SNX29: variants seen among roughly 807,000 people sequenced by gnomAD.
SNX29 encodes the protein sorting nexin 29, also known as sorting nexin-29.
Under a neutral mutation model 102.1 loss-of-function variants are expected in SNX29, and 78 were observed. That is an observed-to-expected ratio of 0.76 (90% confidence interval 0.64 to 0.92). SNX29 has a LOEUF of 0.92. SNX29 is among the 40% of genes least tolerant of loss of function. The pLI, the probability that SNX29 is intolerant of heterozygous loss-of-function variation, is 0.00. For synonymous variants in SNX29, 580 were observed against 414.5 expected (o/e 1.40, Z -4.85); for missense variants, 1,280 against 1,061.7 (o/e 1.21, Z -2.86).
intron 3 of SNX29, among the ~76,000 whole-genome samples, chr16:12,011,195 T>C (rs1483682918): frequency 6.6e-6 from 1 of 151,658 alleles, no homozygotes; most frequent in Admixed American, 6.6e-5. Flanking sequence ...TGGGGTTTTT[T>C]TTTTTTTTTT....
chr16:12,371,690 G>A (rs1567492022), intron 16 of SNX29, among the ~76,000 whole-genome samples: 1 of 152,210 alleles, frequency 6.6e-6, no homozygotes, highest in East Asian at 1.9e-4. Flanking sequence ...TGAGTGTGTG[G>A]GCCTCCTGTG....
chr16:12,035,399 A>G (rs2057447649), intron 4 of SNX29, among the ~76,000 whole-genome samples: 1 of 151,962 alleles, frequency 6.6e-6, no homozygotes, highest in Non-Finnish European at 1.5e-5. Flanking sequence ...ACTCTTTAAT[A>G]AAGGAGGTGG....
chr16:12,391,258 A>G (rs1004552652), intron 16 of SNX29, among the ~76,000 whole-genome samples: 15 of 152,198 alleles, frequency 9.9e-5, no homozygotes, highest in African/African-American at 2.7e-4. Flanking sequence ...ACAAATTATC[A>G]TTGTTAAAGA....
In SNX29 at chr16:12,573,754, T is replaced by TA; in HGVS notation, c.*5128dup. The stretch of plus-strand genomic sequence containing the variant: ...ATCGTACATTTGCACCCAGAGCTAC[T>TA]AAACGCTCAGTGACCCCAGAGACCA... On this transcript the variant is annotated 3_prime_UTR_variant, in exon 21 of 21. Transcript: ENST00000566228. The TA allele has an allele frequency of 4.5e-6, 1 of 223,272 alleles. No individual in the cohort carries two copies. Among genetic ancestry groups the TA allele is most frequent in the Non-Finnish European group, 8.9e-6 (1 of 111,770 alleles). The allele number at this position is 223,272 out of a possible 1,614,324, so 13.8% of individuals were successfully genotyped here.
chr16:12,199,453 A>G lies in SNX29; in HGVS notation c.1596-148A>G, dbSNP rs551129604. 9 of 613,924 alleles carry G rather than the reference A, an allele frequency of 1.5e-5. No individual in the cohort carries two copies. In the South Asian group the frequency reaches 1.6e-4, roughly 11 times the overall value. The allele number at this position is 613,924 out of a possible 1,614,324, so 38.0% of individuals were successfully genotyped here. ...GGTAACACAACCATCTCCCGTGATG[A>G]TATCTAAACCATGAGAATATATTAA... is the stretch of plus-strand genomic sequence containing the variant. On this transcript the variant is annotated intron_variant, in intron 13 of 20. Coordinates refer to ENST00000566228, the MANE Select transcript of SNX29 (RefSeq NM_032167.5).
At chr16:12,315,442 G>A (rs1164519653) in intron 15 of SNX29, among the ~76,000 whole-genome samples, 1 of 152,156 alleles carries the variant, frequency 6.6e-6, no homozygotes, top group South Asian at 2.1e-4. Flanking sequence ...ATGCTCATTT[G>A]TTATGTGGAT....
chr16:12,235,752 A>G (rs75411264), intron 14 of SNX29, among the ~76,000 whole-genome samples: 6,126 of 152,136 alleles, frequency 0.04, 432 homozygotes, highest in African/African-American at 0.14. Context: ...AAACTTAAAC[A>G]CAATAAAGGT....
chr16:12,245,286 T>C (rs2078227777), intron 14 of SNX29, among the ~76,000 whole-genome samples: 1 of 152,152 alleles, frequency 6.6e-6, no homozygotes, highest in Middle Eastern at 3.2e-3. Flanking sequence ...ATCTGTTAAA[T>C]GGGGTAATGA....
At chr16:12,475,703 TATC>T (rs1176715776) in intron 18 of SNX29, among the ~76,000 whole-genome samples, 1 of 152,240 alleles carries the variant, frequency 6.6e-6, no homozygotes, top group East Asian at 1.9e-4. Context: ...TCATGTAAAG[TATC>T]ATACTGCACA....
chr16:12,383,204 G>A (rs2151437606), intron 16 of SNX29, among the ~76,000 whole-genome samples: 1 of 152,262 alleles, frequency 6.6e-6, no homozygotes, highest in South Asian at 2.1e-4. Context: ...TGAGCTTGGA[G>A]CTTATCCTTC....
In SNX29 at chr16:12,572,842, G is replaced by T; in HGVS notation, c.*4213G>T. 2 of 1,063,864 alleles carry T rather than the reference G, an allele frequency of 1.9e-6. No homozygotes were observed. Among genetic ancestry groups the T allele is most frequent in the Non-Finnish European group, 2.3e-6 (2 of 878,336 alleles). The allele number at this position is 1,063,864 out of a possible 1,614,324, so 65.9% of individuals were successfully genotyped here. A position where few individuals can be genotyped will look rare whatever the true frequency, so the allele number is the denominator to read the frequency against. ...GGCATCCCAGAAGGGGCAGCCTCATGCCCAGGTTTCAGCCCTAAAGGTAAT... is the reference window on the plus strand; with the variant it reads ...GGCATCCCAGAAGGGGCAGCCTCATTCCCAGGTTTCAGCCCTAAAGGTAAT... On this transcript the variant is annotated 3_prime_UTR_variant, in exon 21 of 21. Transcript: ENST00000566228.
At chr16:12,288,322 A>G (rs976786012) in intron 15 of SNX29, among the ~76,000 whole-genome samples, 3 of 152,214 alleles carry the variant, frequency 2.0e-5, no homozygotes, top group Non-Finnish European at 2.9e-5. Context: ...CAATGACCCA[A>G]TGACTCAAAA....
intron 13 of SNX29, among the ~76,000 whole-genome samples, chr16:12,185,893 G>A (rs1178326375): frequency 6.6e-6 from 1 of 152,180 alleles, no homozygotes; most frequent in African/African-American, 2.4e-5. Flanking sequence ...AGATAATAGC[G>A]ATTGTACCTC....
In SNX29 at chr16:12,477,716, C is replaced by T. The variant is rs757748972; in HGVS notation, c.2038-3C>T. ...GGAATTCACATTTTCTCTTTCTTGACAGGTCTACATCCGGATAAAAGACGA... is the reference window on the plus strand; with the variant it reads ...GGAATTCACATTTTCTCTTTCTTGATAGGTCTACATCCGGATAAAAGACGA... On this transcript the variant is annotated splice_region_variant and splice_polypyrimidine_tract_variant and intron_variant, in intron 18 of 20. Coordinates refer to ENST00000566228, the MANE Select transcript of SNX29 (RefSeq NM_032167.5). 2 of 1,607,696 alleles carry T rather than the reference C, an allele frequency of 1.2e-6. No homozygotes were observed. Among genetic ancestry groups the T allele is most frequent in the East Asian group, 4.5e-5 (2 of 44,760 alleles).
At chr16:12,262,548 C>G (rs765308483) in intron 14 of SNX29, among the ~76,000 whole-genome samples, 1 of 152,166 alleles carries the variant, frequency 6.6e-6, no homozygotes, top group Non-Finnish European at 1.5e-5. Flanking sequence ...TGACAAAGAA[C>G]GGGGCTGGTC....
intron 20 of SNX29, among the ~76,000 whole-genome samples, chr16:12,539,036 G>A (rs1039222251): frequency 2.0e-5 from 3 of 152,160 alleles, no homozygotes; most frequent in African/African-American, 4.8e-5. Flanking sequence ...CCAGAATGGG[G>A]CCCAGAAAGA....
chr16:12,067,274 T>A (rs978859101), intron 9 of SNX29, among the ~76,000 whole-genome samples: 2 of 151,976 alleles, frequency 1.3e-5, no homozygotes, highest in African/African-American at 4.8e-5. Flanking sequence ...GAAGAAAAGG[T>A]TAAAACAATT....
In SNX29 at chr16:12,570,219, A is replaced by C; in HGVS notation, c.*1590A>C. 9.4e-7 allele frequency: 1 copy of C among 1,065,212 alleles called. No homozygotes were observed. Among genetic ancestry groups the C allele is most frequent in the Non-Finnish European group, 1.1e-6 (1 of 879,188 alleles). The allele number at this position is 1,065,212 out of a possible 1,614,324, so 66.0% of individuals were successfully genotyped here. ...GACTTCCAAGGGGACCTGGGGCCAG[A>C]TAAGCCCTGCCCCGGTGAGACCAAA... On this transcript the variant is annotated 3_prime_UTR_variant, in exon 21 of 21. Transcript: ENST00000566228.
chr16:12,163,551 G>A (rs539273361), intron 13 of SNX29, among the ~76,000 whole-genome samples: 1 of 152,278 alleles, frequency 6.6e-6, no homozygotes, highest in South Asian at 2.1e-4. Flanking sequence ...AATTCACATG[G>A]TTAGAGAGGC....
Sources: gnomAD v4.1 joint callset for allele counts (sites outside exome capture counted in the v4.1 genomes callset) on GRCh38, gnomAD v4.1.1 for gene constraint, MANE v1.5 for transcripts, NCBI Gene and HGNC (gene_info 2026-07-23, HGNC 2026-07-21) for gene names.